TNIK: variants seen among roughly 807,000 people sequenced by gnomAD.
The protein encoded by TNIK is TRAF2 and NCK interacting kinase, also known as TRAF2 and NCK-interacting protein kinase.
A neutral mutation model predicts 191.3 loss-of-function variants in TNIK; 49 were observed. The observed-to-expected ratio is 0.26, with a 90% confidence interval of 0.20 to 0.32. The LOEUF (loss-of-function observed/expected upper bound fraction) is 0.32, where lower values mean the gene tolerates loss of function less well. TNIK is among the 10% of genes least tolerant of loss of function. The pLI is 1.00. For synonymous variants in TNIK, 594 were observed against 600.9 expected, an observed-to-expected ratio of 0.99 and a Z score of 0.17; for missense variants, 1,155 against 1,702.3, an observed-to-expected ratio of 0.68 and a Z score of 5.66.
intron 22 of TNIK, among the ~76,000 whole-genome samples, chr3:171,100,617 G>C (rs73037371): frequency 0.015 from 2,282 of 151,814 alleles, 57 homozygotes; most frequent in African/African-American, 0.045. Flanking sequence ...AAAGTTGTAG[G>C]AGACCAGGGC....
Position 171,308,667 on chromosome 3 carries a change from G to C in TNIK, c.123+60953C>G, listed in dbSNP as rs79077450. Among the ~76,000 whole-genome samples, 1,258 of 152,140 alleles carry C rather than the reference G, an allele frequency of 8.3e-3. 16 individuals are homozygous for C. The highest frequency in any genetic ancestry group is 0.029 in the African/African-American group (1,196 of 41,532). ...ATTTGCAAACTATGCATCTCACAAA[G>C]GCCTAATATCCAGACTCCATAGGGA... On this transcript the variant is annotated intron_variant, in intron 2 of 32. Transcript: ENST00000436636.
intron 2 of TNIK, among the ~76,000 whole-genome samples, chr3:171,351,648 T>C (rs1713231882): frequency 2.0e-5 from 3 of 152,186 alleles, no homozygotes; most frequent in Non-Finnish European, 2.9e-5. Flanking sequence ...GAGGAAAATT[T>C]CCAATTCATA....
At chr3:171,272,968 G>T (rs1279429560) in intron 2 of TNIK, among the ~76,000 whole-genome samples, 4 of 152,160 alleles carry the variant, frequency 2.6e-5, no homozygotes, top group Non-Finnish European at 5.9e-5. Flanking sequence ...TCACAGATTG[G>T]CTTTGTCTGG....
At chr3:171,258,198 T>C (rs1040464307) in intron 2 of TNIK, among the ~76,000 whole-genome samples, 2 of 152,176 alleles carry the variant, frequency 1.3e-5, no homozygotes, top group Admixed American at 1.3e-4. Context: ...ACTCCTAATA[T>C]CTCTGTGCAA....
chr3:171,190,921 A>G (rs1737990233), intron 5 of TNIK, 134 bp from the exon 6 acceptor site: 2 of 609,678 alleles, frequency 3.3e-6, no homozygotes, highest in Non-Finnish European at 5.7e-6. Context: ...CACATCTTTC[A>G]TGTGCTCATA....
chr3:171,220,351 C>T (rs780943330), intron 3 of TNIK, among the ~76,000 whole-genome samples: 1 of 151,812 alleles, frequency 6.6e-6, no homozygotes, highest in African/African-American at 2.4e-5. Context: ...TGTAGCAAAC[C>T]TGCATGTTCT....
intron 28 of TNIK, among the ~76,000 whole-genome samples, chr3:171,076,368 C>A (rs1056284743): frequency 6.6e-6 from 1 of 152,198 alleles, no homozygotes; most frequent in African/African-American, 2.4e-5. Context: ...TTCTTTATAG[C>A]ATGCCCCTTC....
At chr3:171,459,920 G>T in intron 1 of TNIK, 87 bp downstream of exon 1, 18 of 1,157,338 alleles carry the variant, frequency 1.6e-5, no homozygotes, top group Non-Finnish European at 2.1e-5. Context: ...CTGTCCCCCT[G>T]CCCCAGCCCC....
chr3:171,265,586 G>A (rs1275965565), intron 2 of TNIK, among the ~76,000 whole-genome samples: 1 of 152,186 alleles, frequency 6.6e-6, no homozygotes, highest in Non-Finnish European at 1.5e-5. Flanking sequence ...TAATTTCTTT[G>A]CATTTGCAAT....
intron 2 of TNIK, among the ~76,000 whole-genome samples, chr3:171,334,990 A>T (rs1756808127): frequency 6.6e-6 from 1 of 150,644 alleles, no homozygotes; most frequent in African/African-American, 2.4e-5. Flanking sequence ...GTCTTCAGAG[A>T]TACAAATAAA....
intron 9 of TNIK, among the ~76,000 whole-genome samples, chr3:171,168,962 T>C (rs951659711): frequency 6.6e-6 from 1 of 152,232 alleles, no homozygotes; most frequent in Non-Finnish European, 1.5e-5. Context: ...AGAGCGGATA[T>C]TCTTCTCTTT....
chr3:171,460,243 C>T lies in TNIK; in HGVS notation c.-180G>A, dbSNP rs1042957226. On this transcript the variant is annotated 5_prime_UTR_variant, in exon 1 of 33. Transcript: ENST00000436636. The surrounding 1 kb of genome is among the most constrained non-coding windows in gnomAD (Gnocchi z 6.8). Reference sequence around the variant, plus strand: ...GATCCCGATCCTCCGCGCGTCGGTCCGCCGGGTCCGGGAGCCCAGCCTGCG... The same window carrying T: ...GATCCCGATCCTCCGCGCGTCGGTCTGCCGGGTCCGGGAGCCCAGCCTGCG... The T allele has an allele frequency of 3.9e-6, 3 of 767,808 alleles. No individual in the cohort carries two copies. The highest frequency in any genetic ancestry group is 2.5e-5 in the Admixed American group (1 of 40,438). The allele number at this position is 767,808 out of a possible 1,614,324, so 47.6% of individuals were successfully genotyped here. A position where few individuals can be genotyped will look rare whatever the true frequency, so the allele number is the denominator to read the frequency against.
intron 2 of TNIK, among the ~76,000 whole-genome samples, chr3:171,316,441 C>T (rs760185221): frequency 4.1e-4 from 62 of 152,166 alleles, no homozygotes; most frequent in African/African-American, 1.1e-3. Context: ...CTTGGAGGAT[C>T]GGTAGGATTT....
At chr3:171,344,797 G>A (rs1711901184) in intron 2 of TNIK, among the ~76,000 whole-genome samples, 2 of 151,952 alleles carry the variant, frequency 1.3e-5, no homozygotes, top group African/African-American at 4.8e-5. Flanking sequence ...TCACTAAGAT[G>A]GCTTTGAATT....
At position 171,060,091 on chromosome 3, in the gene TNIK, TTC is replaced by T. The variant is rs1389412021; in HGVS notation, c.*3788_*3789del. On this transcript the variant is annotated 3_prime_UTR_variant, in exon 33 of 33. Transcript: ENST00000436636. ...TCAGCACAAATGCAAGTGATGCCTGTTCAAGCAGACTTTCAAAGACAGCACAC... is the reference window on the plus strand; with the variant it reads ...TCAGCACAAATGCAAGTGATGCCTGTAAGCAGACTTTCAAAGACAGCACAC... 1.3e-5 allele frequency among the ~76,000 whole-genome samples: 2 copies of T among 152,316 alleles called. No individual in the cohort carries two copies. The highest frequency in any genetic ancestry group is 4.8e-5 in the African/African-American group (2 of 41,564).
At chr3:171,232,735 A>G (rs1330542950) in intron 2 of TNIK, among the ~76,000 whole-genome samples, 1 of 147,128 alleles carries the variant, frequency 6.8e-6, no homozygotes, top group African/African-American at 2.6e-5. Context: ...TTAAGAACCT[A>G]CTCTGCTCCC....
At chr3:171,316,026 C>T (rs778853274) in intron 2 of TNIK, among the ~76,000 whole-genome samples, 5 of 152,054 alleles carry the variant, frequency 3.3e-5, no homozygotes, top group Non-Finnish European at 7.4e-5. Flanking sequence ...CTCTCACTGG[C>T]GTCAAGGAGT....
Position 171,188,638 on chromosome 3 carries a change from AGACTTTAT to A in TNIK, c.639+56_639+63del. 3 of 1,582,262 alleles carry A rather than the reference AGACTTTAT, an allele frequency of 1.9e-6. No homozygotes were observed. In the East Asian group the frequency reaches 6.8e-5, roughly 36 times the overall value. On this transcript the variant is annotated intron_variant, in intron 7 of 32. Transcript: ENST00000436636. ...TAAATCATAAATATAAGGGCATGTAAGACTTTATAAGACTCAGGATAAGATGGTAGGCA... is the reference window on the plus strand; with the variant it reads ...TAAATCATAAATATAAGGGCATGTAAAAGACTCAGGATAAGATGGTAGGCA...
chr3:171,249,662 A>T (rs868075743), intron 2 of TNIK, among the ~76,000 whole-genome samples: 2 of 152,354 alleles, frequency 1.3e-5, no homozygotes, highest in Middle Eastern at 3.4e-3. Flanking sequence ...CAAATGTCAA[A>T]TTTGCTGCCT....
Sources: allele counts gnomAD v4.1 joint callset (sites outside exome capture counted in the v4.1 genomes callset), GRCh38; gene constraint gnomAD v4.1.1; non-coding constraint Gnocchi (gnomAD v3.1); transcripts MANE v1.5; gene names NCBI Gene and HGNC (gene_info 2026-07-23, HGNC 2026-07-21).